FAM193A: variants seen among roughly 807,000 people sequenced by gnomAD.
The protein encoded by FAM193A is family with sequence similarity 193 member A.
FAM193A carries 22 observed loss-of-function variants against 126.5 expected under a neutral mutation model. The observed-to-expected ratio is 0.17, with a 90% CI of 0.12 to 0.25. The LOEUF (loss-of-function observed/expected upper bound fraction) is 0.25. Ranked by LOEUF, FAM193A falls within the 10% of genes least tolerant of loss-of-function variation. FAM193A has a pLI of 1.00. For synonymous variants in FAM193A, 761 were observed against 646.8 expected (o/e 1.18, Z -2.68); for missense variants, 1,675 against 1,672.8 (o/e 1.00, Z -0.02).
chr4:2,617,218 A>G (rs1299968233), intron 2 of FAM193A, among the ~76,000 whole-genome samples: 4 of 100,666 alleles, frequency 4.0e-5, no homozygotes, highest in Non-Finnish European at 7.6e-5. Context: ...TGACCCATGT[A>G]TTGGTCAGAA....
In FAM193A at chr4:2,597,936, G is replaced by A. The variant is rs1421901243; in HGVS notation, c.501+1607G>A. Among the ~76,000 whole-genome samples the A allele has an allele frequency of 6.6e-5, 10 of 151,460 alleles. No individual in the cohort carries two copies. In the South Asian group the frequency reaches 8.3e-4, roughly 13 times the overall value. On this transcript the variant is annotated intron_variant, in intron 2 of 20. Coordinates refer to ENST00000637812, the MANE Select transcript of FAM193A (RefSeq NM_001366318.2). The stretch of plus-strand genomic sequence containing the variant: ...ATTTTTTTTTTTGAGACAGAGTCTC[G>A]CTCTGTCACCCAGGCTGGAGTGCAG...
At position 2,630,340 on chromosome 4, in the gene FAM193A, AGAT is replaced by A. The variant is rs1743436466; in HGVS notation, c.804-594_804-592del. ...TGGTGGGATAATTGTTAAAAAAAAA[AGAT>A]AAACTGTGTCTAAAGTTTCCTCTTT... On this transcript the variant is annotated intron_variant, in intron 4 of 20. Transcript: ENST00000637812. Among the ~76,000 whole-genome samples the A allele has an allele frequency of 3.3e-5, 5 of 151,266 alleles. No homozygotes were observed. In the South Asian group the frequency reaches 1.0e-3, roughly 32 times the overall value.
Position 2,675,527 on chromosome 4 carries a change from G to A in FAM193A, c.2331+3155G>A, listed in dbSNP as rs558794717. ...CTTACTACCACTGGTAACTTCCCTT[G>A]CTCTAAAGTCTGCTCTGCCTGAAAT... On this transcript the variant is annotated intron_variant, in intron 13 of 20. Transcript: ENST00000637812. 1.8e-3 allele frequency among the ~76,000 whole-genome samples: 280 copies of A among 152,260 alleles called. 1 individual carries two copies. Among genetic ancestry groups the A allele is most frequent in the Non-Finnish European group, 2.8e-3 (192 of 68,014 alleles).
intron 2 of FAM193A, among the ~76,000 whole-genome samples, chr4:2,619,401 C>T (rs987677371): frequency 1.3e-5 from 2 of 151,914 alleles, no homozygotes; most frequent in Non-Finnish European, 2.9e-5. Context: ...CTCCTGGGTT[C>T]AAACGATTCT....
In FAM193A at chr4:2,664,866, A is replaced by T. The variant is rs1188392052; in HGVS notation, c.2079+1578A>T. On this transcript the variant is annotated intron_variant, in intron 12 of 20. Transcript: ENST00000637812. ...GCGTGAGCCACTGCACCCGGCTGGT[A>T]CACCCTTTTCAAAATCGTTTATGCT... 3.3e-5 allele frequency among the ~76,000 whole-genome samples: 5 copies of T among 152,092 alleles called. No individual in the cohort carries two copies. The East Asian group carries it at 9.6e-4, about 29-fold the overall frequency.
intron 1 of FAM193A, among the ~76,000 whole-genome samples, chr4:2,581,814 C>T (rs1051913429): frequency 8.6e-5 from 13 of 151,556 alleles, no homozygotes; most frequent in African/African-American, 3.2e-4. Flanking sequence ...CCACCATGCA[C>T]GGCTAATTTT....
intron 20 of FAM193A, among the ~76,000 whole-genome samples, chr4:2,725,418 C>G (rs1201771776): frequency 1.4e-5 from 2 of 140,690 alleles, no homozygotes; most frequent in African/African-American, 5.6e-5. Flanking sequence ...CCACTGCACT[C>G]CAGCCTGGGC....
chr4:2,695,016 A>G lies in FAM193A; in HGVS notation c.3163A>G (p.Ser1055Gly), dbSNP rs375778543. The G allele has an allele frequency of 6.2e-7, 1 of 1,610,466 alleles. No individual in the cohort carries two copies. Among genetic ancestry groups the G allele is most frequent in the Non-Finnish European group, 8.5e-7 (1 of 1,178,554 alleles). The change falls in exon 17 of 21, where the codon AGT becomes GGT. Residue 1055 changes from serine to glycine, a missense_variant. This residue lies in a region of FAM193A where 1,186 missense variants were observed against 1,109.2 expected (regional missense o/e 1.07). Coordinates refer to ENST00000637812, the MANE Select transcript of FAM193A (RefSeq NM_001366318.2). ...CCCACAGCAGGATGATGGGGACGAG[A>G]GTGCAGATGAGGACAGCTGCTCTGA... is the stretch of plus-strand genomic sequence containing the variant. ...YDPQQDDGDESADEDSCSEHS... is the reference protein window; with the variant it reads ...YDPQQDDGDEGADEDSCSEHS...
intron 1 of FAM193A, among the ~76,000 whole-genome samples, chr4:2,590,420 G>A (rs1740463128): frequency 7.7e-6 from 1 of 130,260 alleles, no homozygotes; most frequent in Non-Finnish European, 1.6e-5. Context: ...AGCCAAGATG[G>A]CGCCACTGCA....
intron 2 of FAM193A, among the ~76,000 whole-genome samples, chr4:2,615,834 C>T (rs1034879955): frequency 1.3e-5 from 2 of 151,654 alleles, no homozygotes; most frequent in Non-Finnish European, 2.9e-5. Context: ...TTTTTTTAGA[C>T]AGAGTCTCAG....
At position 2,631,023 on chromosome 4, in the gene FAM193A, C is replaced by T. The variant is rs905359391; in HGVS notation, c.892C>T (p.Arg298Trp). ...YVLEMKVRLLRQLSAAAKVKA... is the reference protein window; with the variant it reads ...YVLEMKVRLLWQLSAAAKVKA... The stretch of plus-strand genomic sequence containing the variant: ...GCTGGAGATGAAGGTCCGCCTGCTC[C>T]GGCAGCTGTCGGCTGCGGCCAAGGT... The change falls in exon 5 of 21, where the codon CGG becomes TGG. Residue 298 changes from arginine (R) to tryptophan (W), a missense_variant. Transcript: ENST00000637812. 8 of 1,613,458 alleles carry T rather than the reference C, an allele frequency of 5.0e-6. No homozygotes were observed. Among genetic ancestry groups the T allele is most frequent in the Non-Finnish European group, 6.8e-6 (8 of 1,180,036 alleles).
chr4:2,655,029 AT>A lies in FAM193A; in HGVS notation c.1312-2771del, dbSNP rs1409774494. 5 of 668,966 alleles carry A rather than the reference AT, an allele frequency of 7.5e-6. No homozygotes were observed. In the South Asian group the frequency reaches 8.0e-5, roughly 11 times the overall value. The allele number at this position is 668,966 out of a possible 1,614,324, so 41.4% of individuals were successfully genotyped here. On this transcript the variant is annotated intron_variant, in intron 7 of 20. Coordinates refer to ENST00000637812, the MANE Select transcript of FAM193A (RefSeq NM_001366318.2). The stretch of plus-strand genomic sequence containing the variant: ...ATAGGTTTATCTCATCTTTTCCAGC[AT>A]TTGTCCCCTTTTTTTGGCTTCCACT...
chr4:2,537,138 G>C lies in FAM193A; in HGVS notation c.223G>C (p.Ala75Pro), dbSNP rs886219098. Residue 75 changes from alanine (A) to proline (P), a missense_variant, in exon 1 of 21, where the codon GCG becomes CCG. Coordinates refer to ENST00000637812, the MANE Select transcript of FAM193A (RefSeq NM_001366318.2). The stretch of plus-strand genomic sequence containing the variant: ...CGGGCCTCTCGGCGCGGGCGCGAGC[G>C]CGGGCGGCGCCGCCCCCGGAGGCTA... The part of the protein sequence containing the change: ...ANGPLGAGAS[A>P]GGAAPGGYFE... 1.6e-5 allele frequency: 3 copies of C among 187,036 alleles called. No individual in the cohort carries two copies. Among genetic ancestry groups the C allele is most frequent in the African/African-American group, 2.4e-5 (1 of 41,782 alleles). 11.6% of individuals were successfully genotyped at this position (187,036 alleles called of 1,614,324 possible).
chr4:2,672,114 C>G lies in FAM193A; in HGVS notation c.2080-7C>G, dbSNP rs376734061. 16 of 1,609,698 alleles carry G rather than the reference C, an allele frequency of 9.9e-6. No individual in the cohort carries two copies. The African/African-American group carries it at 2.0e-4, about 20-fold the overall frequency. ...TAAATAGGTATGTTTTTTTTCTTTC[C>G]TCTTAGGCTGAACAAGCTCCAAACA... is the stretch of plus-strand genomic sequence containing the variant. On this transcript the variant is annotated splice_region_variant and splice_polypyrimidine_tract_variant and intron_variant, in intron 12 of 20. Coordinates refer to ENST00000637812, the MANE Select transcript of FAM193A (RefSeq NM_001366318.2).
At chr4:2,538,442 C>T (rs867697760) in intron 1 of FAM193A, among the ~76,000 whole-genome samples, 9 of 152,122 alleles carry the variant, frequency 5.9e-5, no homozygotes, top group African/African-American at 1.9e-4. Context: ...ATCCGCCCAC[C>T]TTGGCGTCCC....
rs939575507 is a variant in FAM193A at position 2,660,168 on chromosome 4, A to G, written c.1745+114A>G. 12 of 1,129,244 alleles carry G rather than the reference A, an allele frequency of 1.1e-5. No homozygotes were observed. The African/African-American group carries it at 1.6e-4, about 15-fold the overall frequency. The allele number at this position is 1,129,244 out of a possible 1,614,324, so 70.0% of individuals were successfully genotyped here. A position where few individuals can be genotyped will look rare whatever the true frequency, so the allele number is the denominator to read the frequency against. ...CATCATTATTGTGCTTTTCATGACA[A>G]GGGACCCTGAGGTTTTTAATGCAGC... On this transcript the variant is annotated intron_variant, in intron 10 of 20. Transcript: ENST00000637812.
chr4:2,646,909 C>T (rs1006190266), intron 7 of FAM193A, 77 bp downstream of exon 7: 2 of 1,453,220 alleles, frequency 1.4e-6, no homozygotes, highest in African/African-American at 2.9e-5. Flanking sequence ...AAGTCACTAG[C>T]TTTGTCCTGA....
At position 2,690,617 on chromosome 4, in the gene FAM193A, T is replaced by TCAGCACCC. The variant is rs1716260803; in HGVS notation, c.2531-81_2531-80insCAGCACCC. 1.8e-5 allele frequency: 23 copies of TCAGCACCC among 1,303,468 alleles called. No homozygotes were observed. In the South Asian group the frequency reaches 3.3e-4, roughly 19 times the overall value. 80.7% of individuals were successfully genotyped at this position (1,303,468 alleles called of 1,614,324 possible). A position where few individuals can be genotyped will look rare whatever the true frequency, so the allele number is the denominator to read the frequency against. ...TCAGTAGCACCCCCAGTATCAAGTG[T>TCAGCACCC]TCAGTCATCAGCATGTCTTTTAGGG... On this transcript the variant is annotated intron_variant, in intron 14 of 20. Transcript: ENST00000637812.
chr4:2,705,239 G>A (rs1363427415), intron 19 of FAM193A, among the ~76,000 whole-genome samples: 3 of 152,152 alleles, frequency 2.0e-5, no homozygotes, highest in South Asian at 4.1e-4. Flanking sequence ...AGGGACATTA[G>A]CCTTTTACTC....
Sources: gnomAD v4.1 joint callset for allele counts (sites outside exome capture counted in the v4.1 genomes callset) on GRCh38, gnomAD v4.1.1 for gene constraint, gnomAD v4.1.1 regional missense constraint, MANE v1.5 for transcripts, NCBI Gene and HGNC (gene_info 2026-07-23, HGNC 2026-07-21) for gene names.